Variants in WDR7 observed in about 807,000 individuals in gnomAD.
The protein encoded by WDR7 is WD repeat-containing protein 7.
Under a neutral mutation model 169.4 loss-of-function variants are expected in WDR7, and 46 were observed. The observed-to-expected ratio is 0.27, with a 90% CI of 0.21 to 0.35. The LOEUF (loss-of-function observed/expected upper bound fraction) is 0.35. Among genes scored for constraint, WDR7 ranks in the 10% least tolerant of loss-of-function variants. The pLI is 1.00. For synonymous variants in WDR7, 612 were observed against 666.8 expected (o/e 0.92, Z 1.27); for missense variants, 1,534 against 1,859.3 (o/e 0.83, Z 3.22).
At chr18:56,735,932 A>G (rs1254672902) in intron 14 of WDR7, among the ~76,000 whole-genome samples, 1 of 152,212 alleles carries the variant, frequency 6.6e-6, no homozygotes, top group Non-Finnish European at 1.5e-5. Flanking sequence ...ATCAGAAGAT[A>G]GCATTGTTAA....
intron 14 of WDR7, among the ~76,000 whole-genome samples, chr18:56,739,885 T>TC (rs2043589302): frequency 6.6e-6 from 1 of 151,656 alleles, no homozygotes; most frequent in South Asian, 2.1e-4. Context: ...GATTTTTTTT[T>TC]TTTTTTGTAT....
At chr18:56,722,206 G>C (rs1250332905) in intron 13 of WDR7, among the ~76,000 whole-genome samples, 1 of 152,150 alleles carries the variant, frequency 6.6e-6, no homozygotes, top group Non-Finnish European at 1.5e-5. Context: ...TACAAGTAAA[G>C]TCTTAGTGAC....
At chr18:57,016,440 GA>G (rs1049842509) in intron 26 of WDR7, among the ~76,000 whole-genome samples, 8 of 150,458 alleles carry the variant, frequency 5.3e-5, no homozygotes, top group South Asian at 4.2e-4. Flanking sequence ...CCCCCTTAAA[GA>G]AAAAAAAATG....
intron 26 of WDR7, among the ~76,000 whole-genome samples, chr18:57,004,918 C>T (rs2048034174): frequency 6.6e-6 from 1 of 152,046 alleles, no homozygotes; most frequent in African/African-American, 2.4e-5. Context: ...CCATAAATGG[C>T]ATTTGTAGTT....
intron 20 of WDR7, among the ~76,000 whole-genome samples, chr18:56,856,471 T>G (rs1235292262): frequency 6.6e-6 from 1 of 151,980 alleles, no homozygotes; most frequent in Non-Finnish European, 1.5e-5. Context: ...GAAGTGGAGG[T>G]TGCAGTGAGC....
At position 57,020,820 on chromosome 18, in the gene WDR7, A is replaced by C; in HGVS notation, c.4240A>C (p.Asn1414His). The change falls in exon 27 of 28, where the codon AAC becomes CAC. Residue 1414 changes from asparagine to histidine, a missense_variant. Transcript: ENST00000254442. ...PDGRYLATYS[N>H]TDSHISFWQM... Reference sequence around the variant, plus strand: ...TGGAAGATATCTTGCCACCTACTCAAACACTGACAGCCACATTTCTTTTTG... The same window carrying C: ...TGGAAGATATCTTGCCACCTACTCACACACTGACAGCCACATTTCTTTTTG... 1 of 1,614,154 alleles carries C rather than the reference A, an allele frequency of 6.2e-7. No individual in the cohort carries two copies. The highest frequency in any genetic ancestry group is 8.5e-7 in the Non-Finnish European group (1 of 1,180,000).
At chr18:56,845,324 G>A (rs954617396) in intron 20 of WDR7, among the ~76,000 whole-genome samples, 35 of 151,910 alleles carry the variant, frequency 2.3e-4, no homozygotes, top group Non-Finnish European at 1.5e-5. Flanking sequence ...GGTATTTTGA[G>A]TATTTTTTAA....
chr18:56,845,175 A>G (rs1211907855), intron 20 of WDR7, among the ~76,000 whole-genome samples: 1 of 152,072 alleles, frequency 6.6e-6, no homozygotes, highest in Non-Finnish European at 1.5e-5. Flanking sequence ...GTCCCACTCT[A>G]TGCAGTTATG....
rs36051303 is a variant in WDR7 at position 56,673,160 on chromosome 18, G to GACACACAC, written c.159+505_159+512dup. On this transcript the variant is annotated intron_variant, in intron 2 of 27. Coordinates refer to ENST00000254442, the MANE Select transcript of WDR7 (RefSeq NM_015285.3). ...CAGAGCTAGGGAAATAGGAGCTGGG[G>GACACACAC]ACACACACACACACACACACACACA... 1.1e-3 allele frequency among the ~76,000 whole-genome samples: 167 copies of GACACACAC among 147,018 alleles called. 2 individuals carry two copies. Among genetic ancestry groups the GACACACAC allele is most frequent in the African/African-American group, 3.8e-3 (153 of 40,360 alleles).
intron 21 of WDR7, among the ~76,000 whole-genome samples, chr18:56,901,857 G>T (rs1163461720): frequency 6.6e-6 from 1 of 151,922 alleles, no homozygotes; most frequent in Non-Finnish European, 1.5e-5. Flanking sequence ...TTTTAGCTGC[G>T]GTTGTCAGTT....
At chr18:57,018,079 G>C (rs1023929212) in intron 26 of WDR7, among the ~76,000 whole-genome samples, 6 of 152,316 alleles carry the variant, frequency 3.9e-5, no homozygotes, top group Middle Eastern at 6.8e-3. Flanking sequence ...TTTGGACCTG[G>C]TGGTTTATAG....
Position 56,923,971 on chromosome 18 carries a change from T to C in WDR7, c.3576T>C (p.Pro1192=), listed in dbSNP as rs1422905564. ...TACAGCCTCCAAGCCCCAAACTTCC[T>C]CCACACAGCACTATCCGAAGAACAG... ...LLLQPPSPKL[P]PHSTIRRTAI... The change falls in exon 22 of 28, where the codon CCT becomes CCC. Residue 1192 remains proline (P), a synonymous_variant. Transcript: ENST00000254442. 1 of 1,594,934 alleles carries C rather than the reference T, an allele frequency of 6.3e-7. No homozygotes were observed. Among genetic ancestry groups the C allele is most frequent in the Admixed American group, 1.8e-5 (1 of 55,846 alleles).
rs188106722 is a variant in WDR7, at chr18:56,937,748, C to T, written c.3832-785C>T. ...TAAAGTCTTATTTGCAGTTGATCCT[C>T]AAACAGTAAGGGAGTTAGGGGCACT... On this transcript the variant is annotated intron_variant, in intron 23 of 27. Transcript: ENST00000254442. Among the ~76,000 whole-genome samples the T allele has an allele frequency of 3.3e-3, 497 of 152,224 alleles. 1 individual carries two copies. The highest frequency in any genetic ancestry group is 5.6e-3 in the Non-Finnish European group (382 of 68,000).
chr18:56,991,822 T>G (rs2047822872), intron 26 of WDR7, among the ~76,000 whole-genome samples: 1 of 152,238 alleles, frequency 6.6e-6, no homozygotes, highest in African/African-American at 2.4e-5. Flanking sequence ...GAACAAACTG[T>G]TAATGGAGAG....
chr18:56,672,397 A>G, intron 1 of WDR7, 100 bp from the exon 2 acceptor site: 1 of 995,498 alleles, frequency 1.0e-6, no homozygotes, highest in East Asian at 3.0e-5. Flanking sequence ...ACTCCCAGGA[A>G]TATATGATTA....
At chr18:56,921,289 C>A (rs1465954594) in intron 21 of WDR7, among the ~76,000 whole-genome samples, 1 of 152,168 alleles carries the variant, frequency 6.6e-6, no homozygotes, top group Non-Finnish European at 1.5e-5. Context: ...CCCTGAAAAA[C>A]AGGAAACATC....
chr18:56,966,787 G>A (rs372850782), intron 26 of WDR7, among the ~76,000 whole-genome samples: 1 of 152,174 alleles, frequency 6.6e-6, no homozygotes, highest in African/African-American at 2.4e-5. Context: ...CAGGCCAGGG[G>A]ATTAAGATAT....
chr18:56,869,057 G>A (rs1299870278), intron 20 of WDR7, among the ~76,000 whole-genome samples: 1 of 152,104 alleles, frequency 6.6e-6, no homozygotes, highest in African/African-American at 2.4e-5. Context: ...CAGGATCTTT[G>A]TGAAAAATAA....
At chr18:56,701,661 T>A (rs551690571) in intron 12 of WDR7, among the ~76,000 whole-genome samples, 63 of 152,286 alleles carry the variant, frequency 4.1e-4, no homozygotes, top group Middle Eastern at 6.8e-3. Flanking sequence ...AACTTTTTTT[T>A]AAAAACAGCT....
Sources: allele counts gnomAD v4.1 joint callset (sites outside exome capture counted in the v4.1 genomes callset), GRCh38; gene constraint gnomAD v4.1.1; transcripts MANE v1.5; gene names NCBI Gene and HGNC (gene_info 2026-07-23, HGNC 2026-07-21).